The following CDC42BPB variants were observed in gnomAD, a reference collection of about 807,000 sequenced individuals.
The protein encoded by CDC42BPB is serine/threonine-protein kinase MRCK beta.
CDC42BPB carries 37 observed loss-of-function variants against 214.9 expected under a neutral mutation model. The ratio of observed to expected loss-of-function variants is 0.17; its 90% CI spans 0.13 to 0.23. CDC42BPB has a LOEUF of 0.23. CDC42BPB is among the 10% of genes least tolerant of loss of function. The probability of loss-of-function intolerance (pLI) is 1.00; values close to 1 mark genes in which losing one functional copy is unlikely to be tolerated. For synonymous variants in CDC42BPB, 931 were observed against 884.0 expected (o/e 1.05, Z -0.94); for missense variants, 1,694 against 2,227.0 (o/e 0.76, Z 4.82).
chr14:102,954,189 G>T lies in CDC42BPB; in HGVS notation c.3066+9C>A. On this transcript the variant is annotated intron_variant, in intron 23 of 36. Coordinates refer to ENST00000361246, the MANE Select transcript of CDC42BPB (RefSeq NM_006035.4). The stretch of plus-strand genomic sequence containing the variant: ...AAGAAGGCGCCCCGGGTGAAAGCAA[G>T]GCCCCTACCTTCGGTCCAGCCAGAG... 1 of 1,540,492 alleles carries T rather than the reference G, an allele frequency of 6.5e-7. No individual in the cohort carries two copies. Among genetic ancestry groups the T allele is most frequent in the Non-Finnish European group, 8.8e-7 (1 of 1,138,022 alleles).
At chr14:102,968,741 T>C in intron 14 of CDC42BPB, 25 bp from the exon 15 acceptor site, 1 of 1,611,402 alleles carries the variant, frequency 6.2e-7, no homozygotes, top group Non-Finnish European at 8.5e-7. Flanking sequence ...TAACATAAAT[T>C]GACAAACCTC....
At position 103,001,353 on chromosome 14, in the gene CDC42BPB, G is replaced by A. The variant is rs929056656; in HGVS notation, c.448-1640C>T. Among the ~76,000 whole-genome samples, 7 of 152,198 alleles carry A rather than the reference G, an allele frequency of 4.6e-5. No homozygotes were observed. Among genetic ancestry groups the A allele is most frequent in the Admixed American group, 2.6e-4 (4 of 15,280 alleles). On this transcript the variant is annotated intron_variant, in intron 4 of 36. Transcript: ENST00000361246. The surrounding 1 kb of genome is among the most constrained non-coding windows in gnomAD (Gnocchi z 5.8). ...GCTCACACTGGGGGCGGGAGAGACCGTGGCCAGCATGGAGAGCAGGCAGTG... is the reference window on the plus strand; with the variant it reads ...GCTCACACTGGGGGCGGGAGAGACCATGGCCAGCATGGAGAGCAGGCAGTG...
In CDC42BPB at chr14:103,057,081, G is replaced by C; in HGVS notation, c.93C>G (p.Leu31=). 1 of 1,525,820 alleles carries C rather than the reference G, an allele frequency of 6.6e-7. No individual in the cohort carries two copies. Among genetic ancestry groups the C allele is most frequent in the Non-Finnish European group, 8.8e-7 (1 of 1,141,470 alleles). 94.5% of individuals were successfully genotyped at this position (1,525,820 alleles called of 1,614,324 possible). A position where few individuals can be genotyped will look rare whatever the true frequency, so the allele number is the denominator to read the frequency against. ...NESALSVETL[L]DVLVCLYTEC... ...CGGTGTACAGGCAGACGAGCACGTC[G>C]AGCAGCGTTTCCACGCTCAGGGCGC... The change falls in exon 1 of 37, where the codon CTC becomes CTG. Residue 31 remains leucine (L), a synonymous_variant. Coordinates refer to ENST00000361246, the MANE Select transcript of CDC42BPB (RefSeq NM_006035.4).
At chr14:103,013,299 G>A (rs1295873576) in intron 1 of CDC42BPB, among the ~76,000 whole-genome samples, 2 of 152,308 alleles carry the variant, frequency 1.3e-5, no homozygotes, top group East Asian at 1.9e-4. Flanking sequence ...CACCCATGGC[G>A]GTCCCGAATA....
intron 30 of CDC42BPB, chr14:102,940,999 C>T (rs759217783): frequency 6.5e-5 from 36 of 555,444 alleles, no homozygotes; most frequent in South Asian, 3.1e-4. Flanking sequence ...CAAGGTGCCA[C>T]GGATGTGAAA....
Position 102,944,414 on chromosome 14 carries a change from G to C in CDC42BPB, c.3885C>G (p.Leu1295=). 6.2e-7 allele frequency: 1 copy of C among 1,613,040 alleles called. No homozygotes were observed. Among genetic ancestry groups the C allele is most frequent in the Non-Finnish European group, 8.5e-7 (1 of 1,180,000 alleles). The part of the protein sequence containing the change: ...ELAPREKIVI[L]LCGRNHHVHL... ...GCACATGGTGGTTCCGGCCACAGAGGAGGATTACGATCTTCTCCCTGGGAG... is the reference window on the plus strand; with the variant it reads ...GCACATGGTGGTTCCGGCCACAGAGCAGGATTACGATCTTCTCCCTGGGAG... The change falls in exon 30 of 37, where the codon CTC becomes CTG. Residue 1295 remains leucine, a synonymous_variant. Transcript: ENST00000361246. This position sits in a 1 kb window ranked among gnomAD's most constrained non-coding sequence, Gnocchi z 6.6.
intron 1 of CDC42BPB, among the ~76,000 whole-genome samples, chr14:103,030,318 G>A (rs928187841): frequency 6.6e-6 from 1 of 152,222 alleles, no homozygotes; most frequent in Non-Finnish European, 1.5e-5. Context: ...TTAAAAAAGA[G>A]GCAAAGAAAG....
At chr14:103,009,387 C>G (rs1428221478) in intron 2 of CDC42BPB, among the ~76,000 whole-genome samples, 2 of 152,156 alleles carry the variant, frequency 1.3e-5, no homozygotes, top group Admixed American at 6.5e-5. Flanking sequence ...TCACAGCGAC[C>G]CCAGCTGCGG....
Position 102,939,564 on chromosome 14 carries a change from G to A in CDC42BPB, c.4827+46C>T, listed in dbSNP as rs757357137. On this transcript the variant is annotated intron_variant, in intron 34 of 36. Transcript: ENST00000361246. ...CCAGCATGGCTGCCTGAGCGGGGAG[G>A]AGGAGATGGGGTGCCCTGCCCGCCC... The A allele has an allele frequency of 2.5e-5, 33 of 1,345,570 alleles. 1 individual carries two copies. The South Asian group carries it at 3.3e-4, about 13-fold the overall frequency. 83.4% of individuals were successfully genotyped at this position (1,345,570 alleles called of 1,614,324 possible).
intron 1 of CDC42BPB, among the ~76,000 whole-genome samples, chr14:103,033,502 G>A (rs1175552676): frequency 3.9e-5 from 6 of 152,158 alleles, no homozygotes; most frequent in African/African-American, 1.4e-4. Context: ...GATTACAGGT[G>A]TAAGCCACCG....
chr14:102,998,233 T>C (rs781000835), intron 5 of CDC42BPB, among the ~76,000 whole-genome samples: 2 of 152,166 alleles, frequency 1.3e-5, no homozygotes, highest in Non-Finnish European at 1.5e-5. Flanking sequence ...GGTAATTATG[T>C]AAAAGAGTTA....
Position 102,953,531 on chromosome 14 carries a change from G to A in CDC42BPB, c.3066+667C>T, listed in dbSNP as rs572033118. Among the ~76,000 whole-genome samples, 614 of 152,396 alleles carry A rather than the reference G, an allele frequency of 4.0e-3. 2 individuals are homozygous for A. The highest frequency in any genetic ancestry group is 0.011 in the South Asian group (54 of 4,832). On this transcript the variant is annotated intron_variant, in intron 23 of 36. Coordinates refer to ENST00000361246, the MANE Select transcript of CDC42BPB (RefSeq NM_006035.4). ...GCCTGTGGCAGGAAGCACAGGCAGA[G>A]GCCGTGTCTACATTAACAACAACAA...
chr14:103,057,105 G>T lies in CDC42BPB; in HGVS notation c.69C>A (p.Ser23Arg). The T allele has an allele frequency of 6.6e-7, 1 of 1,523,888 alleles. No individual in the cohort carries two copies. The highest frequency in any genetic ancestry group is 8.8e-7 in the Non-Finnish European group (1 of 1,140,678). 94.4% of individuals were successfully genotyped at this position (1,523,888 alleles called of 1,614,324 possible). A position where few individuals can be genotyped will look rare whatever the true frequency, so the allele number is the denominator to read the frequency against. The part of the protein sequence containing the change: ...LLLDGPWRNE[S>R]ALSVETLLDV... ...CGAGCAGCGTTTCCACGCTCAGGGC[G>T]CTCTCGTTGCGCCAGGGCCCGTCCA... Residue 23 changes from serine (S) to arginine (R), a missense_variant, in exon 1 of 37, where the codon AGC becomes AGA. By Grantham distance (110) the Ser-to-Arg change is moderately radical (BLOSUM62 -1). This residue lies in a region of CDC42BPB where 83 missense variants were observed against 79.9 expected (regional missense o/e 1.04). Transcript: ENST00000361246.
chr14:102,957,705 G>A (rs1445238806), intron 21 of CDC42BPB, among the ~76,000 whole-genome samples: 1 of 152,254 alleles, frequency 6.6e-6, no homozygotes, highest in African/African-American at 2.4e-5. Flanking sequence ...ATGCAAGCCT[G>A]CTTGGGTGTT....
At chr14:103,025,717 C>G (rs956230945) in intron 1 of CDC42BPB, among the ~76,000 whole-genome samples, 1 of 151,230 alleles carries the variant, frequency 6.6e-6, no homozygotes, top group Non-Finnish European at 1.5e-5. Flanking sequence ...ACTAGGGAGG[C>G]TGAGGCAGGA....
Position 102,980,896 on chromosome 14 carries a change from A to G in CDC42BPB, c.1017T>C (p.His339=), listed in dbSNP as rs752520727. The change falls in exon 8 of 37, where the codon CAT becomes CAC. Residue 339 remains histidine (H), a synonymous_variant. Coordinates refer to ENST00000361246, the MANE Select transcript of CDC42BPB (RefSeq NM_006035.4). Reference sequence around the variant, plus strand: ...CCCAATTTAGACCTTCAAAAAACGCATGCTTTTTGAAATCCTCTATTCCAT... The same window carrying G: ...CCCAATTTAGACCTTCAAAAAACGCGTGCTTTTTGAAATCCTCTATTCCAT... ...GQNGIEDFKK[H]AFFEGLNWEN... is the part of the protein sequence containing the mutation. The G allele has an allele frequency of 2.5e-6, 4 of 1,614,172 alleles. No homozygotes were observed. The South Asian group carries it at 3.3e-5, about 13-fold the overall frequency.
At chr14:103,006,015 CAA>C (rs1172933917) in intron 3 of CDC42BPB, among the ~76,000 whole-genome samples, 13 of 58,144 alleles carry the variant, frequency 2.2e-4, no homozygotes, top group East Asian at 5.5e-4. Context: ...AGAGACGTCT[CAA>C]AAAAAAAAAA....
intron 5 of CDC42BPB, among the ~76,000 whole-genome samples, chr14:102,996,105 C>T (rs1010720129): frequency 2.6e-5 from 4 of 152,176 alleles, no homozygotes; most frequent in Admixed American, 1.3e-4. Flanking sequence ...TTTGGGAGGC[C>T]GAGGCGGGCG....
intron 8 of CDC42BPB, among the ~76,000 whole-genome samples, chr14:102,980,258 G>A (rs1304215414): frequency 6.6e-6 from 1 of 152,236 alleles, no homozygotes; most frequent in Non-Finnish European, 1.5e-5. Context: ...ACTTTGGGAG[G>A]CAGAGGTGGG....
Sources: gnomAD v4.1 joint callset for allele counts (sites outside exome capture counted in the v4.1 genomes callset) on GRCh38, gnomAD v4.1.1 for gene constraint, gnomAD v4.1.1 regional missense constraint, Gnocchi (gnomAD v3.1) non-coding constraint, MANE v1.5 for transcripts, NCBI Gene and HGNC (gene_info 2026-07-23, HGNC 2026-07-21) for gene names.